The following SCO1 variants were observed in gnomAD, a reference collection of about 807,000 sequenced individuals.
SCO1 encodes synthesis of cytochrome C oxidase 1.
A neutral mutation model predicts 34.0 loss-of-function variants in SCO1; 23 were observed. The ratio of observed to expected loss-of-function variants is 0.68; its 90% CI spans 0.49 to 0.96. SCO1 has a LOEUF of 0.96. Among genes scored for constraint, SCO1 ranks in the 40% least tolerant of loss-of-function variants. SCO1 has a pLI of 0.00. For synonymous variants in SCO1, 161 were observed against 145.5 expected (o/e 1.11, Z -0.77); for missense variants, 404 against 381.6 (o/e 1.06, Z -0.49).
At position 10,681,243 on chromosome 17, in the gene SCO1, G is replaced by C; in HGVS notation, c.782C>G (p.Thr261Arg). The C allele has an allele frequency of 6.2e-7, 1 of 1,614,020 alleles. No individual in the cohort carries two copies. The highest frequency in any genetic ancestry group is 8.5e-7 in the Non-Finnish European group (1 of 1,179,978). Residue 261 changes from threonine to arginine, a missense_variant, in exon 6 of 6, where the codon ACA (threonine) becomes AGA (arginine). Thr to Arg is a moderately conservative substitution (Grantham distance 71). Coordinates refer to ENST00000255390, the MANE Select transcript of SCO1 (RefSeq NM_004589.4). ...DEDEDYIVDH[T>R]IIMYLIGPDG... is the part of the protein sequence containing the mutation. ...TGGTCCAATCAAGTACATTATTATT[G>C]TGTGATCCACCTGCAGAGAAAAGGG...
rs1369359110 is a variant in SCO1, at chr17:10,697,309, G to A, written c.199C>T (p.Leu67Phe). The change falls in exon 1 of 6, where the codon CTC becomes TTC. Residue 67 changes from leucine to phenylalanine, a missense_variant. By Grantham distance (22) the Leu-to-Phe change is conservative. Coordinates refer to ENST00000255390, the MANE Select transcript of SCO1 (RefSeq NM_004589.4). ...GGGGGTGGCGGCCTCGCAGTGCTGAGGGGCCGGGTTCCCAGGCAATAGCCA... is the reference window on the plus strand; with the variant it reads ...GGGGGTGGCGGCCTCGCAGTGCTGAAGGGCCGGGTTCCCAGGCAATAGCCA... ...RPGYCLGTRP[L>F]STARPPPPWS... The A allele has an allele frequency of 1.3e-5, 20 of 1,567,708 alleles. No individual in the cohort carries two copies. Among genetic ancestry groups the A allele is most frequent in the Non-Finnish European group, 1.7e-5 (20 of 1,157,026 alleles).
At chr17:10,694,784 C>G (rs995576715) in intron 2 of SCO1, among the ~76,000 whole-genome samples, 8 of 152,116 alleles carry the variant, frequency 5.3e-5, no homozygotes, top group Admixed American at 5.2e-4. Flanking sequence ...CTTTGTGAAA[C>G]TAAAGAAACT....
intron 5 of SCO1, among the ~76,000 whole-genome samples, chr17:10,682,016 G>A (rs945431553): frequency 6.6e-6 from 1 of 152,164 alleles, no homozygotes; most frequent in African/African-American, 2.4e-5. Context: ...CCTAACCAGA[G>A]AGTCATCGTA....
At chr17:10,692,356 T>C (rs1305813024) in intron 3 of SCO1, among the ~76,000 whole-genome samples, 1 of 152,204 alleles carries the variant, frequency 6.6e-6, no homozygotes, top group African/African-American at 2.4e-5. Context: ...AAGAGCTGAA[T>C]ATCCTGAAAT....
intron 1 of SCO1, 125 bp downstream of exon 1, chr17:10,697,110 G>T: frequency 1.1e-6 from 1 of 926,752 alleles, no homozygotes; most frequent in Non-Finnish European, 1.6e-6. Context: ...CAGGTAAGGC[G>T]CGCAAGCTAA....
Position 10,680,634 on chromosome 17 carries a change from C to G in SCO1, c.*485G>C, listed in dbSNP as rs186342590. 3.3e-4 allele frequency: 61 copies of G among 184,492 alleles called. No homozygotes were observed. Among genetic ancestry groups the G allele is most frequent in the South Asian group, 8.1e-4 (7 of 8,646 alleles). 11.4% of individuals were successfully genotyped at this position (184,492 alleles called of 1,614,324 possible). A position where few individuals can be genotyped will look rare whatever the true frequency, so the allele number is the denominator to read the frequency against. On this transcript the variant is annotated 3_prime_UTR_variant, in exon 6 of 6. Transcript: ENST00000255390. ...AACTCTGAATGGCAGAGACCCTAAT[C>G]TGACTGTTATTAGCCACCAAGAACT...
At position 10,680,973 on chromosome 17, in the gene SCO1, T is replaced by A; in HGVS notation, c.*146A>T. ...ATTTTGGTTGAACGCAAGGGTAACA[T>A]CCCCATCCAAAACAGAAATGTTCTC... is the stretch of plus-strand genomic sequence containing the variant. On this transcript the variant is annotated 3_prime_UTR_variant, in exon 6 of 6. Transcript: ENST00000255390. 1 of 985,960 alleles carries A rather than the reference T, an allele frequency of 1.0e-6. No homozygotes were observed. Among genetic ancestry groups the A allele is most frequent in the Non-Finnish European group, 1.6e-6 (1 of 626,468 alleles). 61.1% of individuals were successfully genotyped at this position (985,960 alleles called of 1,614,324 possible).
Position 10,692,978 on chromosome 17 carries a change from CA to C in SCO1, c.365-18del. ...TCTCTAACTCTTAAGGAGACAAAAA[CA>C]TATCGACACCAAAAAAAAAGTCAAT... On this transcript the variant is annotated intron_variant, in intron 2 of 5. Coordinates refer to ENST00000255390, the MANE Select transcript of SCO1 (RefSeq NM_004589.4). The C allele has an allele frequency of 1.9e-6, 3 of 1,611,872 alleles. No individual in the cohort carries two copies. The highest frequency in any genetic ancestry group is 2.5e-6 in the Non-Finnish European group (3 of 1,178,070).
Position 10,688,484 on chromosome 17 carries a change from A to T in SCO1, c.656-1642T>A, listed in dbSNP as rs1031853690. Among the ~76,000 whole-genome samples the T allele has an allele frequency of 3.3e-5, 5 of 152,336 alleles. No individual in the cohort carries two copies. In the South Asian group the frequency reaches 1.0e-3, roughly 32 times the overall value. Reference sequence around the variant, plus strand: ...TACTAGAGTGGCTAAAATTAAAAAGACTGGCCACACCAAGAGTGGTGATGC... The same window carrying T: ...TACTAGAGTGGCTAAAATTAAAAAGTCTGGCCACACCAAGAGTGGTGATGC... On this transcript the variant is annotated intron_variant, in intron 4 of 5. Transcript: ENST00000255390.
chr17:10,678,053 T>C lies in SCO1; in HGVS notation c.*3066A>G, dbSNP rs2074593706. On this transcript the variant is annotated 3_prime_UTR_variant, in exon 6 of 6. Transcript: ENST00000255390. ...TTGCTTGAACCTGGGAGGTGGAGGTTGCAGTGAGCTGAGATTGCGCCATTG... is the reference window on the plus strand; with the variant it reads ...TTGCTTGAACCTGGGAGGTGGAGGTCGCAGTGAGCTGAGATTGCGCCATTG... The C allele has an allele frequency of 6.6e-6, 1 of 151,970 alleles. No individual in the cohort carries two copies. The highest frequency in any genetic ancestry group is 1.5e-5 in the Non-Finnish European group (1 of 68,034). 9.4% of individuals were successfully genotyped at this position (151,970 alleles called of 1,614,324 possible).
At chr17:10,697,177 C>T (rs2151459318) in intron 1 of SCO1, 58 bp downstream of exon 1, 1 of 1,448,686 alleles carries the variant, frequency 6.9e-7, no homozygotes, top group Admixed American at 2.6e-5. Flanking sequence ...TGGGATGTGG[C>T]CGCTGGGCTG....
chr17:10,691,756 T>A (rs1451442060), intron 4 of SCO1, 116 bp downstream of exon 4: 3 of 714,998 alleles, frequency 4.2e-6, no homozygotes, highest in Non-Finnish European at 7.5e-6. Context: ...TATTCACCCA[T>A]AAAACTGGTG....
chr17:10,697,014 T>C (rs1168374458), intron 1 of SCO1, among the ~76,000 whole-genome samples: 1 of 150,404 alleles, frequency 6.6e-6, no homozygotes, highest in African/African-American at 2.5e-5. Context: ...TCCAGCCACG[T>C]GGAGAGGGTG....
chr17:10,692,952 TTCTC>T lies in SCO1; in HGVS notation c.370_373del (p.Glu124ArgfsTer37), dbSNP rs1567575944. On this transcript the variant is annotated frameshift_variant, in exon 3 of 6. Coordinates refer to ENST00000255390, the MANE Select transcript of SCO1 (RefSeq NM_004589.4). LOFTEE classifies it high-confidence loss of function. ...CTTGCCGATGTGTCGCTGCCGTTCC[TTCTC>T]TAACTCTTAAGGAGACAAAAACATA... 6.2e-7 allele frequency: 1 copy of T among 1,614,132 alleles called. No homozygotes were observed. The highest frequency in any genetic ancestry group is 1.1e-5 in the South Asian group (1 of 91,088).
chr17:10,693,669 A>T (rs1219903698), intron 2 of SCO1, among the ~76,000 whole-genome samples: 1 of 152,212 alleles, frequency 6.6e-6, no homozygotes, highest in Non-Finnish European at 1.5e-5. Flanking sequence ...ATCATTCTTC[A>T]CTAAAAGGAA....
Position 10,673,485 on chromosome 17 carries a change from C to G in SCO1, c.*7634G>C, listed in dbSNP as rs1309636865. ...ACAAAGGCCTGCCCTGCTTCGGGCA[C>G]TGAACGCTTGCCTGTCTCCGTTAGG... is the stretch of plus-strand genomic sequence containing the variant. On this transcript the variant is annotated 3_prime_UTR_variant, in exon 6 of 6. Transcript: ENST00000255390. 6.6e-6 allele frequency: 1 copy of G among 152,234 alleles called. No individual in the cohort carries two copies. Among genetic ancestry groups the G allele is most frequent in the Non-Finnish European group, 1.5e-5 (1 of 68,070 alleles). 9.4% of individuals were successfully genotyped at this position (152,234 alleles called of 1,614,324 possible). A position where few individuals can be genotyped will look rare whatever the true frequency, so the allele number is the denominator to read the frequency against.
chr17:10,693,301 G>A (rs904999693), intron 2 of SCO1, among the ~76,000 whole-genome samples: 6 of 152,192 alleles, frequency 3.9e-5, no homozygotes, highest in South Asian at 2.1e-4. Context: ...AGTGGGGTGC[G>A]GTGGGTGGCC....
chr17:10,691,924 G>A lies in SCO1; in HGVS notation c.603C>T (p.Ile201=), dbSNP rs759311621. ...TTLPDLTPLF[I]SIDPERDTKE... is the part of the protein sequence containing the mutation. Reference sequence around the variant, plus strand: ...TTGTGTCCCTCTCTGGGTCAATGCTGATGAAAAGTGGAGTTAGATCTGGCA... The same window carrying A: ...TTGTGTCCCTCTCTGGGTCAATGCTAATGAAAAGTGGAGTTAGATCTGGCA... Residue 201 remains isoleucine, a synonymous_variant, in exon 4 of 6, where the codon ATC becomes ATT. Transcript: ENST00000255390. The A allele has an allele frequency of 6.2e-7, 1 of 1,613,676 alleles. No homozygotes were observed. The highest frequency in any genetic ancestry group is 1.1e-5 in the South Asian group (1 of 91,076).
rs2074698602 is a variant in SCO1, at chr17:10,692,902, G to C, written c.424C>G (p.Leu142Val). 1 of 1,614,110 alleles carries C rather than the reference G, an allele frequency of 6.2e-7. No homozygotes were observed. Among genetic ancestry groups the C allele is most frequent in the Non-Finnish European group, 8.5e-7 (1 of 1,180,022 alleles). The change falls in exon 3 of 6, where the codon CTC (leucine) becomes GTC (valine). Residue 142 changes from leucine to valine, a missense_variant. Physicochemically the swap from Leu to Val is conservative, Grantham distance 32 (BLOSUM62 1). Coordinates refer to ENST00000255390, the MANE Select transcript of SCO1 (RefSeq NM_004589.4). The stretch of plus-strand genomic sequence containing the variant: ...TTACGCTCCCCAGTATGAGTTGTGA[G>C]GGAAAACGGTCCCCCAAGTAAAGGC... Reference protein sequence around the residue: ...GKPLLGGPFSLTTHTGERKTD... With the variant: ...GKPLLGGPFSVTTHTGERKTD...
Sources: gnomAD v4.1 joint callset for allele counts (sites outside exome capture counted in the v4.1 genomes callset) on GRCh38, gnomAD v4.1.1 for gene constraint, MANE v1.5 for transcripts, NCBI Gene and HGNC (gene_info 2026-07-23, HGNC 2026-07-21) for gene names.